The following PI4K2A variants were observed in gnomAD, a reference collection of about 807,000 sequenced individuals.
PI4K2A encodes the protein phosphatidylinositol 4-kinase type 2 alpha, also known as phosphatidylinositol 4-kinase type 2-alpha.
A neutral mutation model predicts 55.0 loss-of-function variants in PI4K2A; 20 were observed. That is an observed-to-expected ratio of 0.36 (90% CI 0.26 to 0.53). PI4K2A has a LOEUF of 0.53. PI4K2A is among the 20% of genes least tolerant of loss of function. The pLI, the probability that PI4K2A is intolerant of heterozygous loss-of-function variation, is 0.91. For synonymous variants in PI4K2A, 235 were observed against 258.5 expected, an observed-to-expected ratio of 0.91 and a Z score of 0.87; for missense variants, 463 against 637.1, an observed-to-expected ratio of 0.73 and a Z score of 2.94.
intron 4 of PI4K2A, among the ~76,000 whole-genome samples, chr10:97,659,387 T>C (rs2041570008): frequency 2.0e-5 from 3 of 149,950 alleles, no homozygotes; most frequent in Middle Eastern, 6.8e-3. Context: ...TCCTGAATTA[T>C]TAGTTCTAGT....
At chr10:97,645,411 A>G (rs2135752331) in intron 1 of PI4K2A, among the ~76,000 whole-genome samples, 1 of 152,158 alleles carries the variant, frequency 6.6e-6, no homozygotes, top group Admixed American at 6.5e-5. Context: ...GATAGAGACC[A>G]TCCTGGTTAA....
intron 4 of PI4K2A, among the ~76,000 whole-genome samples, chr10:97,659,683 G>A (rs2041571400): frequency 6.6e-6 from 1 of 151,998 alleles, no homozygotes; most frequent in African/African-American, 2.4e-5. Context: ...GCTGCTCCTG[G>A]AACTTGTGCA....
At chr10:97,653,436 C>CT (rs1564774309) in intron 2 of PI4K2A, among the ~76,000 whole-genome samples, 1 of 152,214 alleles carries the variant, frequency 6.6e-6, no homozygotes, top group African/African-American at 2.4e-5. Flanking sequence ...AAGCACATAG[C>CT]TGAGTGAGTG....
In PI4K2A at chr10:97,665,002, G is replaced by T. The variant is rs781440947; in HGVS notation, c.1084+18G>T. 1.4e-6 allele frequency: 2 copies of T among 1,475,060 alleles called. No homozygotes were observed. The highest frequency in any genetic ancestry group is 1.9e-6 in the Non-Finnish European group (2 of 1,053,656). 91.4% of individuals were successfully genotyped at this position (1,475,060 alleles called of 1,614,324 possible). A position where few individuals can be genotyped will look rare whatever the true frequency, so the allele number is the denominator to read the frequency against. On this transcript the variant is annotated intron_variant, in intron 6 of 8. Coordinates refer to ENST00000370631, the Ensembl canonical transcript of PI4K2A. ...GAGGGCATGTAAGTCTCCAGACAAT[G>T]GTGGTCTGGCTCTTCCCTTGCTCAG...
At chr10:97,653,452 C>T (rs1363412088) in intron 2 of PI4K2A, among the ~76,000 whole-genome samples, 1 of 152,226 alleles carries the variant, frequency 6.6e-6, no homozygotes, top group Non-Finnish European at 1.5e-5. Flanking sequence ...GAGTGCCAGG[C>T]ACAACGTAAA....
intron 1 of PI4K2A, among the ~76,000 whole-genome samples, chr10:97,641,949 G>A (rs1481379650): frequency 6.6e-6 from 1 of 152,144 alleles, no homozygotes; most frequent in African/African-American, 2.4e-5. Context: ...ATGGTTATAG[G>A]ATGGGGCATG....
intron 5 of PI4K2A, among the ~76,000 whole-genome samples, chr10:97,663,736 C>G (rs1236354432): frequency 6.7e-6 from 1 of 149,854 alleles, no homozygotes; most frequent in East Asian, 2.0e-4. Context: ...TCGAGAATGG[C>G]TTGAACCTGG....
chr10:97,650,870 C>G (rs1372219342), intron 1 of PI4K2A, 71 bp from the exon 2 acceptor site: 2 of 1,120,572 alleles, frequency 1.8e-6, no homozygotes, highest in Non-Finnish European at 2.7e-6. Context: ...TTCCAGATTC[C>G]TGCTGACTTG....
chr10:97,660,255 C>T (rs1411161493), intron 4 of PI4K2A, among the ~76,000 whole-genome samples: 2 of 149,656 alleles, frequency 1.3e-5, no homozygotes, highest in African/African-American at 2.5e-5. Flanking sequence ...CCCGCCTTGG[C>T]CTCCCAAAGT....
chr10:97,662,501 G>A (rs904016604), intron 4 of PI4K2A, among the ~76,000 whole-genome samples: 1 of 152,176 alleles, frequency 6.6e-6, no homozygotes, highest in African/African-American at 2.4e-5. Flanking sequence ...GCTTCAGGTC[G>A]TAACCCAAAG....
intron 8 of PI4K2A, among the ~76,000 whole-genome samples, chr10:97,671,161 G>A (rs1238061165): frequency 6.6e-6 from 1 of 151,734 alleles, no homozygotes; most frequent in East Asian, 1.9e-4. Context: ...GAGAGAGAGA[G>A]AGAAGACAGG....
exon 9 of PI4K2A, chr10:97,675,528 G>A (rs946106118): frequency 5.2e-5 from 8 of 152,454 alleles, no homozygotes; most frequent in African/African-American, 1.9e-4. Context: ...GGAGCCAGAA[G>A]GGGACCCAGG....
intron 6 of PI4K2A, among the ~76,000 whole-genome samples, chr10:97,666,212 A>G (rs1000834546): frequency 2.0e-5 from 3 of 152,190 alleles, no homozygotes; most frequent in African/African-American, 7.2e-5. Flanking sequence ...AGGTCATGTA[A>G]TGTCTGAGAA....
chr10:97,672,485 T>G (rs2041641064), intron 8 of PI4K2A, among the ~76,000 whole-genome samples: 1 of 152,172 alleles, frequency 6.6e-6, no homozygotes, highest in Non-Finnish European at 1.5e-5. Context: ...TCTGCTTTCC[T>G]TTGCATCTAA....
chr10:97,656,229 T>G lies in PI4K2A; in HGVS notation c.637-56T>G, dbSNP rs772325851. On this transcript the variant is annotated intron_variant, in intron 2 of 8. Transcript: ENST00000370631. This position sits in a 1 kb window ranked among gnomAD's most constrained non-coding sequence, Gnocchi z 4.5. ...TCAAGCTATTTATTCTCTGCCATAG[T>G]CTTCTGGTTCCTTAAACTTGACTCT... 35 of 1,445,306 alleles carry G rather than the reference T, an allele frequency of 2.4e-5. No homozygotes were observed. The highest frequency in any genetic ancestry group is 3.4e-5 in the Non-Finnish European group (35 of 1,031,606). 89.5% of individuals were successfully genotyped at this position (1,445,306 alleles called of 1,614,324 possible).
chr10:97,673,851 C>T (rs1052212), exon 9 of PI4K2A: 199,246 of 952,536 alleles, frequency 0.21, 24,455 homozygotes, highest in African/African-American at 0.48. Context: ...CCTTTAAGAG[C>T]CCTCTCTCTC....
At chr10:97,653,388 T>C (rs1217575072) in intron 2 of PI4K2A, among the ~76,000 whole-genome samples, 1 of 152,228 alleles carries the variant, frequency 6.6e-6, no homozygotes, top group East Asian at 1.9e-4. Context: ...TCCTACTTTG[T>C]AGAGTGGCCA....
chr10:97,660,092 C>T (rs1274361772), intron 4 of PI4K2A, among the ~76,000 whole-genome samples: 1 of 150,404 alleles, frequency 6.6e-6, no homozygotes, highest in Non-Finnish European at 1.5e-5. Context: ...ACCTCCGCCT[C>T]CCGGGTTCAC....
At chr10:97,649,916 G>T (rs1342483954) in intron 1 of PI4K2A, among the ~76,000 whole-genome samples, 2 of 151,976 alleles carry the variant, frequency 1.3e-5, no homozygotes, top group African/African-American at 4.8e-5. Context: ...AAGCCACCAT[G>T]CCCGGCCCAT....
Sources: allele counts gnomAD v4.1 joint callset (sites outside exome capture counted in the v4.1 genomes callset), GRCh38; gene constraint gnomAD v4.1.1; non-coding constraint Gnocchi (gnomAD v3.1); transcripts MANE v1.5; gene names NCBI Gene and HGNC (gene_info 2026-07-23, HGNC 2026-07-21).